Variants in NELL1 observed in about 807,000 individuals in gnomAD.
NELL1 encodes neural EGFL like 1.
Under a neutral mutation model 107.4 loss-of-function variants are expected in NELL1, and 76 were observed. That is an observed-to-expected ratio of 0.71 (90% confidence interval 0.59 to 0.86). The LOEUF is 0.86. NELL1 is among the 40% of genes least tolerant of loss of function. The pLI, the probability that NELL1 is intolerant of heterozygous loss-of-function variation, is 0.00. For synonymous variants in NELL1, 353 were observed against 341.2 expected, an observed-to-expected ratio of 1.03 and a Z score of -0.38; for missense variants, 1,024 against 1,005.5, an observed-to-expected ratio of 1.02 and a Z score of -0.25.
chr11:20,740,208 G>T (rs868668010), intron 2 of NELL1, among the ~76,000 whole-genome samples: 1 of 152,124 alleles, frequency 6.6e-6, no homozygotes, highest in Non-Finnish European at 1.5e-5. Flanking sequence ...AGGGTCACTT[G>T]CTTGGAATTG....
chr11:21,337,730 T>TATTTC, intron 14 of NELL1, among the ~76,000 whole-genome samples: 1 of 151,476 alleles, frequency 6.6e-6, no homozygotes. Flanking sequence ...TTCTTTTCTT[T>TATTTC]CTTTCCTTTC....
At chr11:20,816,151 A>G (rs1210538676) in intron 3 of NELL1, among the ~76,000 whole-genome samples, 1 of 152,096 alleles carries the variant, frequency 6.6e-6, no homozygotes, top group Non-Finnish European at 1.5e-5. Flanking sequence ...TTTTGGTTCC[A>G]TATGAATTTT....
chr11:21,144,584 C>T (rs1855936353), intron 13 of NELL1, among the ~76,000 whole-genome samples: 1 of 152,138 alleles, frequency 6.6e-6, no homozygotes, highest in Admixed American at 6.5e-5. Flanking sequence ...TCTACTCTGT[C>T]ACTGGGGCCT....
intron 2 of NELL1, among the ~76,000 whole-genome samples, chr11:20,705,970 C>T (rs933749005): frequency 5.9e-5 from 9 of 152,254 alleles, no homozygotes; most frequent in Middle Eastern, 3.4e-3. Context: ...AATGAGATAC[C>T]GTCTCACACC....
At chr11:20,791,116 A>G (rs1857065210) in intron 3 of NELL1, among the ~76,000 whole-genome samples, 2 of 152,202 alleles carry the variant, frequency 1.3e-5, no homozygotes, top group Non-Finnish European at 2.9e-5. Context: ...CAAATAAGTC[A>G]GTTGAGATTT....
chr11:21,072,029 T>G (rs890042707), intron 12 of NELL1, among the ~76,000 whole-genome samples: 1 of 152,114 alleles, frequency 6.6e-6, no homozygotes, highest in Non-Finnish European at 1.5e-5. Context: ...AATTTTCTCA[T>G]TATCATGGGG....
At chr11:20,714,915 A>T (rs1855204378) in intron 2 of NELL1, among the ~76,000 whole-genome samples, 1 of 152,122 alleles carries the variant, frequency 6.6e-6, no homozygotes, top group Admixed American at 6.5e-5. Flanking sequence ...AATCAGGAAA[A>T]TATTTCTGCT....
At chr11:21,433,290 TG>T (rs1283389274) in intron 15 of NELL1, among the ~76,000 whole-genome samples, 1 of 152,214 alleles carries the variant, frequency 6.6e-6, no homozygotes, top group Non-Finnish European at 1.5e-5. Flanking sequence ...GATGGGCATG[TG>T]GGGTTATTAC....
At chr11:21,409,978 T>C (rs1425510676) in intron 15 of NELL1, among the ~76,000 whole-genome samples, 3 of 152,108 alleles carry the variant, frequency 2.0e-5, no homozygotes, top group Non-Finnish European at 4.4e-5. Flanking sequence ...TAATTTAGGA[T>C]ATTGTTTCAT....
At chr11:21,327,978 G>C (rs984244806) in intron 14 of NELL1, among the ~76,000 whole-genome samples, 3 of 152,094 alleles carry the variant, frequency 2.0e-5, no homozygotes, top group Non-Finnish European at 2.9e-5. Context: ...GAGCATAAAT[G>C]TTTGGATGAT....
intron 9 of NELL1, among the ~76,000 whole-genome samples, chr11:20,936,578 G>T (rs375137918): frequency 6.6e-6 from 1 of 152,124 alleles, no homozygotes. Flanking sequence ...GGGGGTCTAG[G>T]TTCTTTATCT....
chr11:21,030,219 G>A (rs569677298), intron 12 of NELL1, among the ~76,000 whole-genome samples: 7 of 152,270 alleles, frequency 4.6e-5, no homozygotes, highest in East Asian at 1.9e-4. Context: ...CTTGCATGTC[G>A]GATGTAGGAA....
intron 15 of NELL1, among the ~76,000 whole-genome samples, chr11:21,402,012 C>A (rs573219061): frequency 2.6e-5 from 4 of 151,768 alleles, no homozygotes; most frequent in Non-Finnish European, 5.9e-5. Context: ...AAGCCGCTTT[C>A]ATTTAAATCT....
At position 20,924,074 on chromosome 11, in the gene NELL1, G is replaced by A. The variant is rs144056592; in HGVS notation, c.760-3234G>A. Reference sequence around the variant, plus strand: ...AGGTAGACAGAATAGAGATGTAGATGTGATACCGTATCTATTTCGAATCTG... The same window carrying A: ...AGGTAGACAGAATAGAGATGTAGATATGATACCGTATCTATTTCGAATCTG... On this transcript the variant is annotated intron_variant, in intron 7 of 19. Coordinates refer to ENST00000357134, the MANE Select transcript of NELL1 (RefSeq NM_006157.5). 6.6e-5 allele frequency among the ~76,000 whole-genome samples: 10 copies of A among 152,328 alleles called. No homozygotes were observed. In the East Asian group the frequency reaches 1.9e-3, roughly 29 times the overall value.
In NELL1 at chr11:21,494,225, G is replaced by A. The variant is rs112761744; in HGVS notation, c.1646-40149G>A. Among the ~76,000 whole-genome samples the A allele has an allele frequency of 1.8e-3, 272 of 151,958 alleles. 4 individuals are homozygous for A. In the South Asian group the frequency reaches 0.02, roughly 11 times the overall value. ...ATTAACAAATTTTATCAAGTGTTTC[G>A]TAAACATCTATTGTTTTATAAACTG... On this transcript the variant is annotated intron_variant, in intron 15 of 19. Transcript: ENST00000357134.
At position 20,695,831 on chromosome 11, in the gene NELL1, A is replaced by G. The variant is rs549377676; in HGVS notation, c.184+17771A>G. Among the ~76,000 whole-genome samples, 8 of 152,130 alleles carry G rather than the reference A, an allele frequency of 5.3e-5. No homozygotes were observed. In the East Asian group the frequency reaches 1.2e-3, roughly 22 times the overall value. On this transcript the variant is annotated intron_variant, in intron 2 of 19. Transcript: ENST00000357134. The stretch of plus-strand genomic sequence containing the variant: ...AGTCCTCCCTCTTCAATTTTTCACA[A>G]TAGTTTCAGTGGAATTGGTACCAGC...
intron 14 of NELL1, among the ~76,000 whole-genome samples, chr11:21,256,383 C>T (rs574696355): frequency 2.3e-4 from 35 of 152,140 alleles, no homozygotes; most frequent in African/African-American, 7.7e-4. Context: ...AGCTACTGAT[C>T]TGAGTCTGAA....
intron 2 of NELL1, among the ~76,000 whole-genome samples, chr11:20,742,696 A>T (rs1415045128): frequency 1.3e-5 from 2 of 152,122 alleles, no homozygotes; most frequent in Non-Finnish European, 2.9e-5. Flanking sequence ...CAAGAACAGC[A>T]TGGGAAAGAC....
chr11:21,048,612 T>A (rs963825473), intron 12 of NELL1, among the ~76,000 whole-genome samples: 1 of 152,190 alleles, frequency 6.6e-6, no homozygotes, highest in Non-Finnish European at 1.5e-5. Flanking sequence ...CTTGACCTTT[T>A]CTTGTTGTAA....
Sources: allele counts gnomAD v4.1 joint callset (sites outside exome capture counted in the v4.1 genomes callset), GRCh38; gene constraint gnomAD v4.1.1; transcripts MANE v1.5; gene names NCBI Gene and HGNC (gene_info 2026-07-23, HGNC 2026-07-21).